KIR2DL3: variants seen among roughly 807,000 people sequenced by gnomAD.
KIR2DL3 encodes the protein killer cell immunoglobulin like receptor, two Ig domains and long cytoplasmic tail 3, also known as killer cell immunoglobulin-like receptor 2DL3.
A neutral mutation model predicts 33.8 loss-of-function variants in KIR2DL3; 39 were observed. The observed-to-expected ratio is 1.15, with a 90% CI of 0.89 to 1.51. The LOEUF is 1.51. Ranked by LOEUF, KIR2DL3 falls within the 40% of genes most tolerant of loss-of-function variation. KIR2DL3 has a pLI of 0.00. For synonymous variants in KIR2DL3, 174 were observed against 160.2 expected, an observed-to-expected ratio of 1.09 and a Z score of -0.65; for missense variants, 462 against 426.2, an observed-to-expected ratio of 1.08 and a Z score of -0.74.
rs1359985152 is a variant in KIR2DL3 at position 54,753,000 on chromosome 19, T to A, written c.*481T>A. The A allele has an allele frequency of 4.5e-5, 8 of 177,978 alleles. No homozygotes were observed. Among genetic ancestry groups the A allele is most frequent in the Non-Finnish European group, 6.8e-5 (6 of 88,198 alleles). The allele number at this position is 177,978 out of a possible 1,614,324, so 11.0% of individuals were successfully genotyped here. On this transcript the variant is annotated 3_prime_UTR_variant, in exon 8 of 8. Coordinates refer to ENST00000342376, the MANE Select transcript of KIR2DL3 (RefSeq NM_015868.3). ...TCAGCAGTAAAACTTATATATTTTT[T>A]AAAATAATTTCAATGTAGTTTTCCC...
At chr19:54,741,849 G>T (rs1449484773) in intron 2 of KIR2DL3, 131 bp from the exon 3 acceptor site, 1 of 1,267,242 alleles carries the variant, frequency 7.9e-7, no homozygotes, top group Non-Finnish European at 1.1e-6. Context: ...TAAGGGCACA[G>T]AAAAGAACAT....
At chr19:54,745,632 G>A (rs1294004413) in intron 4 of KIR2DL3, among the ~76,000 whole-genome samples, 12 of 150,678 alleles carry the variant, frequency 8.0e-5, no homozygotes, top group Admixed American at 6.0e-4. Context: ...CCAAAGTGCC[G>A]GGATTACAGG....
At chr19:54,740,285 C>G (rs1358864001) in intron 2 of KIR2DL3, among the ~76,000 whole-genome samples, 1 of 151,992 alleles carries the variant, frequency 6.6e-6, no homozygotes, top group East Asian at 1.9e-4. Context: ...CAGGACAAGC[C>G]CTTGCTGTCT....
chr19:54,744,813 C>T, intron 4 of KIR2DL3, among the ~76,000 whole-genome samples: 1 of 148,434 alleles, frequency 6.7e-6, no homozygotes, highest in Non-Finnish European at 1.5e-5. Flanking sequence ...GCATGAGCCA[C>T]CACGCCCAGC....
Position 54,745,358 on chromosome 19 carries a change from C to T in KIR2DL3, c.664+1270C>T, listed in dbSNP as rs1298814635. Reference sequence around the variant, plus strand: ...TATGAAAGTTCTCTTTTTAGTTATTCGTTTGTTGTTTTGTTTTTGTTTTTG... The same window carrying T: ...TATGAAAGTTCTCTTTTTAGTTATTTGTTTGTTGTTTTGTTTTTGTTTTTG... On this transcript the variant is annotated intron_variant, in intron 4 of 7. Coordinates refer to ENST00000342376, the MANE Select transcript of KIR2DL3 (RefSeq NM_015868.3). Among the ~76,000 whole-genome samples the T allele has an allele frequency of 8.1e-5, 12 of 147,958 alleles. No individual in the cohort carries two copies. The East Asian group carries it at 2.2e-3, about 27-fold the overall frequency.
chr19:54,746,788 G>A (rs776519904), intron 4 of KIR2DL3, among the ~76,000 whole-genome samples: 42 of 135,750 alleles, frequency 3.1e-4, no homozygotes, highest in Non-Finnish European at 5.3e-4. Context: ...TTCAAGATTA[G>A]TCTGGCCGAC....
intron 4 of KIR2DL3, among the ~76,000 whole-genome samples, chr19:54,745,564 A>G (rs200050414): frequency 1.3e-5 from 2 of 150,818 alleles, no homozygotes; most frequent in South Asian, 2.1e-4. Flanking sequence ...GGGTTTCCCC[A>G]TGTTGGCTGG....
intron 2 of KIR2DL3, among the ~76,000 whole-genome samples, chr19:54,740,303 C>G (rs2070781030): frequency 6.6e-6 from 1 of 151,986 alleles, no homozygotes; most frequent in Non-Finnish European, 1.5e-5. Context: ...TCTGCCTGGC[C>G]CAGCCTTGTG....
rs550945608 is a variant in KIR2DL3, at chr19:54,747,468, G to T, written c.715+83G>T. 6.7e-6 allele frequency: 9 copies of T among 1,339,030 alleles called. No individual in the cohort carries two copies. The African/African-American group carries it at 1.4e-4, about 21-fold the overall frequency. The allele number at this position is 1,339,030 out of a possible 1,614,324, so 82.9% of individuals were successfully genotyped here. ...GATGCAGGCATTGACTCAGCATCTCGCAGCTCTGACATTGTACGCCTGTCT... is the reference window on the plus strand; with the variant it reads ...GATGCAGGCATTGACTCAGCATCTCTCAGCTCTGACATTGTACGCCTGTCT... On this transcript the variant is annotated intron_variant, in intron 5 of 7. Coordinates refer to ENST00000342376, the MANE Select transcript of KIR2DL3 (RefSeq NM_015868.3).
chr19:54,740,989 C>A (rs1180468130), intron 2 of KIR2DL3, among the ~76,000 whole-genome samples: 1 of 151,736 alleles, frequency 6.6e-6, no homozygotes, highest in Non-Finnish European at 1.5e-5. Flanking sequence ...GGAACTGATT[C>A]TCCAGAGTCT....
chr19:54,747,064 T>G (rs543099248), intron 4 of KIR2DL3, among the ~76,000 whole-genome samples: 1 of 141,410 alleles, frequency 7.1e-6, no homozygotes, highest in Admixed American at 7.4e-5. Flanking sequence ...TCTACGTGCC[T>G]TTCTTTATGC....
chr19:54,743,917 G>A lies in KIR2DL3; in HGVS notation c.493G>A (p.Glu165Lys). The change falls in exon 4 of 8, where the codon GAG (glutamate) becomes AAG (lysine). Residue 165 changes from glutamate (E) to lysine (K), a missense_variant. Transcript: ENST00000342376. ...CATGTACCATCTATCCAGGGAGGGG[G>A]AGGCCCATGAACGTAGGTTCTCTGC... ...YDMYHLSREG[E>K]AHERRFSAGP... 1.9e-6 allele frequency: 3 copies of A among 1,614,108 alleles called. No homozygotes were observed. Among genetic ancestry groups the A allele is most frequent in the Non-Finnish European group, 1.7e-6 (2 of 1,180,016 alleles).
intron 5 of KIR2DL3, 125 bp downstream of exon 5, chr19:54,747,510 T>G: frequency 8.0e-7 from 1 of 1,247,564 alleles, no homozygotes; most frequent in Non-Finnish European, 1.2e-6. Context: ...ATCTCCGAAC[T>G]CCAGATACTC....
rs2072270500 is a variant in KIR2DL3, at chr19:54,745,231, A to T, written c.664+1143A>T. Reference sequence around the variant, plus strand: ...GGTAGGTTGACTCCACATCTTGGCTACTGTGAACAGTGCTGCACCAATCAT... The same window carrying T: ...GGTAGGTTGACTCCACATCTTGGCTTCTGTGAACAGTGCTGCACCAATCAT... On this transcript the variant is annotated intron_variant, in intron 4 of 7. Transcript: ENST00000342376. Among the ~76,000 whole-genome samples the T allele has an allele frequency of 3.3e-5, 5 of 152,182 alleles. No homozygotes were observed. The South Asian group carries it at 1.0e-3, about 32-fold the overall frequency.
At chr19:54,746,584 G>C (rs2072523793) in intron 4 of KIR2DL3, among the ~76,000 whole-genome samples, 1 of 147,988 alleles carries the variant, frequency 6.8e-6, no homozygotes, top group Non-Finnish European at 1.5e-5. Flanking sequence ...GTGACAGGTA[G>C]AGGTGCAGTT....
Position 54,742,119 on chromosome 19 carries a change from G to C in KIR2DL3, c.210G>C (p.Leu70Phe), listed in dbSNP as rs1291038141. 4 of 1,613,992 alleles carry C rather than the reference G, an allele frequency of 2.5e-6. No individual in the cohort carries two copies. Among genetic ancestry groups the C allele is most frequent in the East Asian group, 2.2e-5 (1 of 44,874 alleles). Residue 70 changes from leucine to phenylalanine, a missense_variant, in exon 3 of 8, where the codon TTG becomes TTC. Coordinates refer to ENST00000342376, the MANE Select transcript of KIR2DL3 (RefSeq NM_015868.3). ...GAGAAGGGAAGTTTAAGGACACTTT[G>C]CACCTCATTGGAGAGCACCATGATG... is the stretch of plus-strand genomic sequence containing the variant. The part of the protein sequence containing the change: ...LHREGKFKDT[L>F]HLIGEHHDGV...
chr19:54,744,911 C>CTGT, intron 4 of KIR2DL3, among the ~76,000 whole-genome samples: 1 of 33,556 alleles, frequency 3.0e-5, no homozygotes, highest in Non-Finnish European at 6.6e-5. Flanking sequence ...CACACACACA[C>CTGT]ATATATAAAC....
rs879120495 is a variant in KIR2DL3, at chr19:54,739,602, C to G, written c.70+60C>G. On this transcript the variant is annotated intron_variant, in intron 2 of 7. Coordinates refer to ENST00000342376, the MANE Select transcript of KIR2DL3 (RefSeq NM_015868.3). ...CCCACATAAGAGGATTTTCCTGAAA[C>G]AGGAGGGAAGTCCTGTCGGGGAGTC... 7.1e-4 allele frequency: 1,025 copies of G among 1,446,732 alleles called. No homozygotes were observed. The South Asian group carries it at 0.011, about 16-fold the overall frequency. 89.6% of individuals were successfully genotyped at this position (1,446,732 alleles called of 1,614,324 possible).
intron 4 of KIR2DL3, among the ~76,000 whole-genome samples, chr19:54,744,954 ATTTTTTTTTTTTTTTTT>A (rs71195797): frequency 1.6e-4 from 5 of 31,276 alleles, no homozygotes; most frequent in African/African-American, 5.7e-4. Flanking sequence ...ATATATATAT[ATTTTTTTTTTTTTTTTT>A]TTTTTTACCC....
Sources: gnomAD v4.1 joint callset for allele counts (sites outside exome capture counted in the v4.1 genomes callset) on GRCh38, gnomAD v4.1.1 for gene constraint, MANE v1.5 for transcripts, NCBI Gene and HGNC (gene_info 2026-07-23, HGNC 2026-07-21) for gene names.